The following ICE1 variants were observed in gnomAD, a reference collection of about 807,000 sequenced individuals.
ICE1 encodes the protein little elongation complex subunit 1.
ICE1 carries 64 observed loss-of-function variants against 192.7 expected under a neutral mutation model. That is an observed-to-expected ratio of 0.33 (90% CI 0.27 to 0.41). The LOEUF (loss-of-function observed/expected upper bound fraction) is 0.41. Among genes scored for constraint, ICE1 ranks in the 10% least tolerant of loss-of-function variants. The probability of loss-of-function intolerance (pLI) is 1.00; values close to 1 mark genes in which losing one functional copy is unlikely to be tolerated. For missense variants in ICE1, 2,708 were observed against 2,696.0 expected, an observed-to-expected ratio of 1.00 and a Z score of -0.10; for synonymous variants, 1,010 against 984.5, an observed-to-expected ratio of 1.03 and a Z score of -0.49.
chr5:5,453,211 G>A (rs1056005090), intron 10 of ICE1, among the ~76,000 whole-genome samples: 4 of 152,004 alleles, frequency 2.6e-5, no homozygotes, highest in African/African-American at 9.7e-5. Flanking sequence ...GCAGGCTTTT[G>A]GGTAGGTTAT....
chr5:5,481,287 G>T (rs994639905), intron 17 of ICE1, among the ~76,000 whole-genome samples: 1 of 151,526 alleles, frequency 6.6e-6, no homozygotes, highest in African/African-American at 2.4e-5. Flanking sequence ...TTAAAATATG[G>T]TGATTTTTTT....
At chr5:5,470,898 A>C (rs1365601970) in intron 15 of ICE1, among the ~76,000 whole-genome samples, 1 of 152,030 alleles carries the variant, frequency 6.6e-6, no homozygotes, top group East Asian at 1.9e-4. Context: ...AGAATCAAAT[A>C]TCTCTAGCTT....
intron 17 of ICE1, among the ~76,000 whole-genome samples, chr5:5,478,764 C>G (rs1739414250): frequency 6.6e-6 from 1 of 152,118 alleles, no homozygotes. Context: ...ACCAATGGAA[C>G]AGAACAGAGA....
In ICE1 at chr5:5,463,195, C is replaced by T; in HGVS notation, c.3861C>T (p.Leu1287=). 1 of 1,611,448 alleles carries T rather than the reference C, an allele frequency of 6.2e-7. No homozygotes were observed. Among genetic ancestry groups the T allele is most frequent in the Non-Finnish European group, 8.5e-7 (1 of 1,179,006 alleles). Residue 1287 remains leucine, a synonymous_variant, in exon 13 of 19, where the codon CTC becomes CTT. Transcript: ENST00000296564. ...GTAAAGATACTGGCAGTTTATTGCTCTTAAATGTAAATAACAACATGACCA... is the reference window on the plus strand; with the variant it reads ...GTAAAGATACTGGCAGTTTATTGCTTTTAAATGTAAATAACAACATGACCA... ...CNGKDTGSLL[L]LNVNNNMTTE...
At chr5:5,428,577 C>G (rs1277110621) in intron 1 of ICE1, among the ~76,000 whole-genome samples, 1 of 152,154 alleles carries the variant, frequency 6.6e-6, no homozygotes, top group Non-Finnish European at 1.5e-5. Context: ...TTTGCTTCAT[C>G]ATTGTCTGCA....
At chr5:5,484,660 G>A (rs1229002691) in intron 17 of ICE1, among the ~76,000 whole-genome samples, 1 of 152,186 alleles carries the variant, frequency 6.6e-6, no homozygotes, top group Non-Finnish European at 1.5e-5. Flanking sequence ...AGCATCTGCT[G>A]TGTATCTCAA....
intron 14 of ICE1, among the ~76,000 whole-genome samples, chr5:5,467,239 T>C (rs1463958802): frequency 2.6e-5 from 4 of 152,232 alleles, no homozygotes; most frequent in Non-Finnish European, 4.4e-5. Context: ...CAAATCATTA[T>C]GGAGTGAATG....
intron 18 of ICE1, among the ~76,000 whole-genome samples, chr5:5,488,319 A>G (rs1252599119): frequency 1.3e-5 from 2 of 152,182 alleles, no homozygotes; most frequent in African/African-American, 4.8e-5. Context: ...TGGGACCAGA[A>G]GTGTTTTAGA....
chr5:5,445,407 A>T (rs1248304274), intron 7 of ICE1, among the ~76,000 whole-genome samples: 1 of 152,028 alleles, frequency 6.6e-6, no homozygotes, highest in Admixed American at 6.6e-5. Flanking sequence ...AATTTTTTTA[A>T]TTTTTAAACT....
Position 5,463,751 on chromosome 5 carries a change from G to A in ICE1, c.4417G>A (p.Ala1473Thr), listed in dbSNP as rs2111383589. 1 of 1,613,890 alleles carries A rather than the reference G, an allele frequency of 6.2e-7. No homozygotes were observed. The highest frequency in any genetic ancestry group is 8.5e-7 in the Non-Finnish European group (1 of 1,179,862). ...PVTSAEKSPEASHTGPAFQEA... is the reference protein window; with the variant it reads ...PVTSAEKSPETSHTGPAFQEA... ...GACTTCTGCTGAGAAGTCCCCAGAG[G>A]CCAGTCACACTGGCCCTGCATTTCA... The change falls in exon 13 of 19, where the codon GCC becomes ACC. Residue 1473 changes from alanine to threonine, a missense_variant. Transcript: ENST00000296564.
chr5:5,454,771 T>G (rs1738538340), intron 11 of ICE1, 133 bp downstream of exon 11: 5 of 581,798 alleles, frequency 8.6e-6, no homozygotes, highest in African/African-American at 5.6e-5. Context: ...AATGGGTACT[T>G]TTAATTATAC....
chr5:5,428,252 C>G (rs945602775), intron 1 of ICE1, among the ~76,000 whole-genome samples: 1 of 152,144 alleles, frequency 6.6e-6, no homozygotes, highest in Admixed American at 6.5e-5. Context: ...CCTTGTTGCC[C>G]TGTTCCAGTC....
chr5:5,459,858 A>G (rs1251498832), intron 12 of ICE1, among the ~76,000 whole-genome samples: 2 of 152,096 alleles, frequency 1.3e-5, no homozygotes, highest in African/African-American at 4.8e-5. Flanking sequence ...GTGGCTGGAG[A>G]ACGGGCTGGG....
At chr5:5,440,789 A>T (rs1738022832) in intron 4 of ICE1, among the ~76,000 whole-genome samples, 6 of 152,036 alleles carry the variant, frequency 3.9e-5, no homozygotes, top group Admixed American at 3.9e-4. Flanking sequence ...TGAGAGGCTG[A>T]GGCAGGAAGA....
chr5:5,474,011 C>T (rs1026426919), intron 16 of ICE1, among the ~76,000 whole-genome samples: 1 of 152,026 alleles, frequency 6.6e-6, no homozygotes, highest in African/African-American at 2.4e-5. Context: ...GAGATCGAGA[C>T]CACCCTGGCT....
At chr5:5,433,248 C>G (rs530094552) in intron 1 of ICE1, among the ~76,000 whole-genome samples, 33 of 152,250 alleles carry the variant, frequency 2.2e-4, no homozygotes, top group African/African-American at 7.9e-4. Flanking sequence ...CCTCTTTCTG[C>G]TGGATGGGGG....
At chr5:5,443,333 T>G (rs1738106327) in intron 6 of ICE1, 89 bp downstream of exon 6, 2 of 681,502 alleles carry the variant, frequency 2.9e-6, no homozygotes. Flanking sequence ...TTTTTTACAG[T>G]CTTTGGATTT....
At chr5:5,429,139 C>T (rs1486602392) in intron 1 of ICE1, among the ~76,000 whole-genome samples, 1 of 152,130 alleles carries the variant, frequency 6.6e-6, no homozygotes, top group Non-Finnish European at 1.5e-5. Flanking sequence ...CGTGTTGTAA[C>T]AGTACTTGTG....
intron 11 of ICE1, 29 bp from the exon 12 acceptor site, chr5:5,457,303 C>G: frequency 1.3e-6 from 2 of 1,543,042 alleles, no homozygotes; most frequent in Non-Finnish European, 1.7e-6. Flanking sequence ...TTGTAAATAC[C>G]TGATACCTAC....
Sources: allele counts gnomAD v4.1 joint callset (sites outside exome capture counted in the v4.1 genomes callset), GRCh38; gene constraint gnomAD v4.1.1; transcripts MANE v1.5; gene names NCBI Gene and HGNC (gene_info 2026-07-23, HGNC 2026-07-21).